The following LNPK variants were observed in gnomAD, a reference collection of about 807,000 sequenced individuals.
The protein encoded by LNPK is endoplasmic reticulum junction formation protein lunapark.
A neutral mutation model predicts 55.2 loss-of-function variants in LNPK; 29 were observed. That is an observed-to-expected ratio of 0.53 (90% confidence interval 0.39 to 0.72). The LOEUF (loss-of-function observed/expected upper bound fraction) is 0.72, where lower values mean the gene tolerates loss of function less well. Ranked by LOEUF, LNPK falls within the 30% of genes least tolerant of loss-of-function variation. LNPK has a pLI of 0.00. For missense variants in LNPK, 467 were observed against 494.8 expected (o/e 0.94, Z 0.53); for synonymous variants, 162 against 168.2 (o/e 0.96, Z 0.29).
intron 12 of LNPK, chr2:175,932,123 GT>G (rs763386643): frequency 5.5e-4 from 247 of 451,428 alleles, no homozygotes; most frequent in Middle Eastern, 2.0e-3. Context: ...GGCCCACATA[GT>G]TTGTCATATT....
At chr2:175,991,426 C>A (rs779398102) in intron 4 of LNPK, among the ~76,000 whole-genome samples, 1 of 152,114 alleles carries the variant, frequency 6.6e-6, no homozygotes, top group East Asian at 1.9e-4. Flanking sequence ...TAGCTACATA[C>A]GAACTTATAA....
Position 175,929,704 on chromosome 2 carries a change from T to C in LNPK, c.*263A>G. The C allele has an allele frequency of 5.5e-6, 7 of 1,272,964 alleles. No homozygotes were observed. The highest frequency in any genetic ancestry group is 6.9e-6 in the Non-Finnish European group (7 of 1,009,940). The allele number at this position is 1,272,964 out of a possible 1,614,324, so 78.9% of individuals were successfully genotyped here. A position where few individuals can be genotyped will look rare whatever the true frequency, so the allele number is the denominator to read the frequency against. ...CAATCATGTTTGCTTACTTTTAGAA[T>C]GGACAAAAAAGTATCTAAAAGCTGT... On this transcript the variant is annotated 3_prime_UTR_variant, in exon 13 of 13. Coordinates refer to ENST00000272748, the MANE Select transcript of LNPK (RefSeq NM_030650.3).
At chr2:175,959,974 CATAATGGT>C (rs1685922786) in intron 8 of LNPK, among the ~76,000 whole-genome samples, 1 of 152,060 alleles carries the variant, frequency 6.6e-6, no homozygotes, top group African/African-American at 2.4e-5. Flanking sequence ...AAGGCCATTA[CATAATGGT>C]AAAGGAGTCA....
chr2:175,997,244 CTTAT>C (rs528558881), intron 1 of LNPK, among the ~76,000 whole-genome samples: 1 of 152,140 alleles, frequency 6.6e-6, no homozygotes, highest in Non-Finnish European at 1.5e-5. Flanking sequence ...TGTTTCAAGT[CTTAT>C]TTAAGTTGCA....
intron 8 of LNPK, among the ~76,000 whole-genome samples, chr2:175,958,843 C>G (rs765142259): frequency 4.2e-4 from 64 of 152,110 alleles, no homozygotes; most frequent in Admixed American, 9.8e-4. Context: ...AGACAAATGG[C>G]TAACTAGAAT....
At chr2:175,971,704 CT>C (rs1056633658) in intron 5 of LNPK, among the ~76,000 whole-genome samples, 1 of 151,984 alleles carries the variant, frequency 6.6e-6, no homozygotes, top group African/African-American at 2.4e-5. Flanking sequence ...TACTATAAAA[CT>C]TTTTTCAAAA....
At chr2:175,947,415 GC>G in intron 9 of LNPK, 64 bp downstream of exon 9, 1 of 1,355,562 alleles carries the variant, frequency 7.4e-7, no homozygotes, top group South Asian at 1.3e-5. Context: ...CCTGAAAATG[GC>G]CCGTTTTATT....
chr2:175,985,909 C>T (rs1448715991), intron 4 of LNPK, among the ~76,000 whole-genome samples: 1 of 152,182 alleles, frequency 6.6e-6, no homozygotes, highest in Non-Finnish European at 1.5e-5. Context: ...GGAAAAACTA[C>T]CATATAGATG....
At position 175,926,938 on chromosome 2, in the gene LNPK, C is replaced by G. The variant is rs1684033308; in HGVS notation, c.*3029G>C. ...TGTGAGAGACAGGCCAGTAGGCAGG[C>G]AAATATATAGCTCTAAAGTAAAGGA... On this transcript the variant is annotated 3_prime_UTR_variant, in exon 13 of 13. Transcript: ENST00000272748. 6.6e-6 allele frequency: 1 copy of G among 152,036 alleles called. No individual in the cohort carries two copies. The highest frequency in any genetic ancestry group is 6.5e-5 in the Admixed American group (1 of 15,278). The allele number at this position is 152,036 out of a possible 1,614,324, so 9.4% of individuals were successfully genotyped here.
chr2:175,990,258 CGA>C (rs906943203), intron 4 of LNPK, among the ~76,000 whole-genome samples: 1 of 152,070 alleles, frequency 6.6e-6, no homozygotes, highest in African/African-American at 2.4e-5. Flanking sequence ...TGGGGCATGG[CGA>C]GAGTTTGCCC....
rs1342034370 is a variant in LNPK at position 175,947,566 on chromosome 2, G to T, written c.620C>A (p.Pro207His). The change falls in exon 9 of 13, where the codon CCC (proline) becomes CAC (histidine). Residue 207 changes from proline to histidine, a missense_variant. Transcript: ENST00000272748. ...GGCTGGAGTAACAGTCCTTTCTGGG[G>T]GTCCACCAGGGGCAGAACTGTCCTT... ...PPKDSSAPGGPPERTVTPALS... is the reference protein window; with the variant it reads ...PPKDSSAPGGHPERTVTPALS... 9.3e-6 allele frequency: 15 copies of T among 1,613,886 alleles called. No homozygotes were observed. Among genetic ancestry groups the T allele is most frequent in the Middle Eastern group, 1.7e-4 (1 of 6,044 alleles).
At chr2:175,975,811 G>T (rs1686882031) in intron 5 of LNPK, among the ~76,000 whole-genome samples, 1 of 152,148 alleles carries the variant, frequency 6.6e-6, no homozygotes, top group South Asian at 2.1e-4. Flanking sequence ...AGGAGTTTGA[G>T]ACCAGCTTGG....
intron 8 of LNPK, among the ~76,000 whole-genome samples, chr2:175,955,142 A>G (rs1422462390): frequency 2.0e-5 from 3 of 152,176 alleles, no homozygotes; most frequent in African/African-American, 7.2e-5. Context: ...TTAAAATAAG[A>G]CTCCAAAATC....
In LNPK at chr2:176,002,199, C is replaced by A. The variant is rs769067437; in HGVS notation, c.-102G>T. 5 of 450,070 alleles carry A rather than the reference C, an allele frequency of 1.1e-5. No homozygotes were observed. The highest frequency in any genetic ancestry group is 7.8e-5 in the South Asian group (5 of 63,786). 27.9% of individuals were successfully genotyped at this position (450,070 alleles called of 1,614,324 possible). A position where few individuals can be genotyped will look rare whatever the true frequency, so the allele number is the denominator to read the frequency against. ...CGCAGCCCGGCCCGGGCGTCCACCC[C>A]CGCCAGTCTCGGCCGCCACCGCCCA... On this transcript the variant is annotated 5_prime_UTR_variant, in exon 1 of 13. Coordinates refer to ENST00000272748, the MANE Select transcript of LNPK (RefSeq NM_030650.3).
At chr2:175,968,393 T>C (rs1686479235) in intron 6 of LNPK, among the ~76,000 whole-genome samples, 2 of 152,230 alleles carry the variant, frequency 1.3e-5, no homozygotes, top group South Asian at 4.1e-4. Context: ...AAAATTTTCA[T>C]GAAGCCATTT....
intron 8 of LNPK, among the ~76,000 whole-genome samples, chr2:175,963,012 C>T (rs1686129646): frequency 6.7e-6 from 1 of 148,566 alleles, no homozygotes; most frequent in Non-Finnish European, 1.5e-5. Flanking sequence ...GAGATACCAT[C>T]TCACACCAGT....
intron 4 of LNPK, 97 bp downstream of exon 4, chr2:175,992,134 C>T: frequency 1.4e-6 from 1 of 726,398 alleles, no homozygotes; most frequent in Non-Finnish European, 2.1e-6. Flanking sequence ...CAGATATTAC[C>T]ATTTAATAAT....
At chr2:175,950,379 T>C (rs1340508099) in intron 8 of LNPK, among the ~76,000 whole-genome samples, 2 of 152,088 alleles carry the variant, frequency 1.3e-5, no homozygotes, top group Admixed American at 1.3e-4. Flanking sequence ...TAATGTGTCA[T>C]TCAAAATAGC....
intron 4 of LNPK, among the ~76,000 whole-genome samples, chr2:175,987,213 C>T (rs1161048465): frequency 6.6e-6 from 1 of 152,132 alleles, no homozygotes; most frequent in African/African-American, 2.4e-5. Context: ...GCTATAAAGA[C>T]ACAAGCACAC....
Sources: allele counts gnomAD v4.1 joint callset (sites outside exome capture counted in the v4.1 genomes callset), GRCh38; gene constraint gnomAD v4.1.1; transcripts MANE v1.5; gene names NCBI Gene and HGNC (gene_info 2026-07-23, HGNC 2026-07-21).